PPP1R1C: variants seen among roughly 807,000 people sequenced by gnomAD.
The protein encoded by PPP1R1C is protein phosphatase 1 regulatory subunit 1C.
In PPP1R1C, 15 loss-of-function variants were observed where a neutral mutation model predicts 17.4. That is an observed-to-expected ratio of 0.86 (90% CI 0.58 to 1.33). PPP1R1C has a LOEUF of 1.33. Among genes scored for constraint, PPP1R1C ranks in the 40% most tolerant of loss-of-function variants. The pLI is 0.00. For missense variants in PPP1R1C, 143 were observed against 130.0 expected (o/e 1.10, Z -0.48); for synonymous variants, 35 against 43.1 (o/e 0.81, Z 0.73).
chr2:182,027,412 T>C (rs1424439618), intron 2 of PPP1R1C, among the ~76,000 whole-genome samples: 1 of 126,084 alleles, frequency 7.9e-6, no homozygotes, highest in Non-Finnish European at 1.6e-5. Flanking sequence ...TGAGAGTTTT[T>C]AGCATGAAGG....
chr2:182,110,528 C>T (rs1413119820), intron 4 of PPP1R1C, among the ~76,000 whole-genome samples: 1 of 152,058 alleles, frequency 6.6e-6, no homozygotes, highest in Non-Finnish European at 1.5e-5. Flanking sequence ...TGGCAACAGT[C>T]TGTGGTAGCC....
chr2:181,981,931 C>T (rs957682749), upstream of PPP1R1C, among the ~76,000 whole-genome samples: 19 of 152,140 alleles, frequency 1.2e-4, no homozygotes, highest in Admixed American at 4.6e-4. Flanking sequence ...TATTGTATTT[C>T]CAGCATTTAA....
At chr2:182,059,636 T>C (rs1434976294) in intron 2 of PPP1R1C, among the ~76,000 whole-genome samples, 1 of 152,138 alleles carries the variant, frequency 6.6e-6, no homozygotes, top group Non-Finnish European at 1.5e-5. Context: ...CACTTTTCAA[T>C]TTCAAGACAA....
At chr2:182,008,165 G>A (rs1685986155) in intron 2 of PPP1R1C, among the ~76,000 whole-genome samples, 1 of 152,144 alleles carries the variant, frequency 6.6e-6, no homozygotes, top group Non-Finnish European at 1.5e-5. Context: ...TGAGGTATGA[G>A]TGAATTGTAT....
intron 2 of PPP1R1C, among the ~76,000 whole-genome samples, chr2:182,006,263 G>A (rs956050339): frequency 8.5e-5 from 13 of 152,050 alleles, no homozygotes; most frequent in South Asian, 2.1e-4. Context: ...ATGGAAGTGA[G>A]GCTTTGGTTA....
intron 1 of PPP1R1C, among the ~76,000 whole-genome samples, chr2:181,987,570 C>T (rs950183221): frequency 6.6e-6 from 1 of 152,184 alleles, no homozygotes; most frequent in Non-Finnish European, 1.5e-5. Flanking sequence ...AATTAATTTT[C>T]TGTTGTATCA....
At chr2:182,040,507 TTTTTTTC>T (rs1417289116) in intron 2 of PPP1R1C, among the ~76,000 whole-genome samples, 4 of 152,198 alleles carry the variant, frequency 2.6e-5, no homozygotes, top group Non-Finnish European at 5.9e-5. Flanking sequence ...GATTATTTAT[TTTTTTTC>T]TTGCAGATTT....
chr2:182,117,798 A>G (rs979006259), downstream of PPP1R1C: 1 of 152,200 alleles, frequency 6.6e-6, no homozygotes. Flanking sequence ...ACAGAACACA[A>G]TGTTCATTTT....
chr2:182,126,034 C>T (rs923788549), intron 5 of PPP1R1C, among the ~76,000 whole-genome samples: 1 of 152,026 alleles, frequency 6.6e-6, no homozygotes, highest in Non-Finnish European at 1.5e-5. Flanking sequence ...TTCCCACTTT[C>T]TAATGTGGGC....
At chr2:182,069,815 G>A (rs1369408997) in intron 4 of PPP1R1C, among the ~76,000 whole-genome samples, 1 of 152,154 alleles carries the variant, frequency 6.6e-6, no homozygotes, top group East Asian at 1.9e-4. Flanking sequence ...CAGGGAAAAA[G>A]ATAAACTTTT....
chr2:182,063,860 A>G, intron 4 of PPP1R1C, 69 bp downstream of exon 4: 2 of 1,104,394 alleles, frequency 1.8e-6, no homozygotes, highest in Non-Finnish European at 2.8e-6. Context: ...TCTGTTCTCT[A>G]GGACCACATA....
At chr2:181,955,945 T>C (rs1005683743) in intron 1 of PPP1R1C, among the ~76,000 whole-genome samples, 10 of 152,186 alleles carry the variant, frequency 6.6e-5, no homozygotes, top group African/African-American at 2.2e-4. Flanking sequence ...GTTTGTTACA[T>C]AGGTACACAT....
At chr2:182,031,498 A>G (rs1686836871) in intron 2 of PPP1R1C, among the ~76,000 whole-genome samples, 1 of 152,232 alleles carries the variant, frequency 6.6e-6, no homozygotes. Context: ...TATAGCCTGG[A>G]GAATTTGTAT....
chr2:182,098,578 T>A (rs7558558), intron 4 of PPP1R1C, among the ~76,000 whole-genome samples: 43,924 of 152,046 alleles, frequency 0.29, 7,919 homozygotes, highest in African/African-American at 0.52. Context: ...AATAATCTAC[T>A]TCTTCGACAG....
At chr2:182,118,621 T>C (rs1382383297), downstream of PPP1R1C, among the ~76,000 whole-genome samples, 3 of 151,202 alleles carry the variant, frequency 2.0e-5, no homozygotes, top group African/African-American at 7.3e-5. Flanking sequence ...AATATGAGTT[T>C]TGTAATGTAG....
At chr2:182,103,001 G>C (rs1043746975) in intron 4 of PPP1R1C, among the ~76,000 whole-genome samples, 1 of 151,820 alleles carries the variant, frequency 6.6e-6, no homozygotes, top group Non-Finnish European at 1.5e-5. Context: ...ATGGGGTTTC[G>C]CCATGTTGCC....
At chr2:181,969,768 A>C (rs1165137151) in intron 1 of PPP1R1C, among the ~76,000 whole-genome samples, 1 of 152,126 alleles carries the variant, frequency 6.6e-6, no homozygotes, top group Non-Finnish European at 1.5e-5. Context: ...TATTTTGTAG[A>C]TCTTGTAGGC....
chr2:182,088,865 A>G (rs1688704157), intron 4 of PPP1R1C, among the ~76,000 whole-genome samples: 1 of 152,216 alleles, frequency 6.6e-6, no homozygotes, highest in African/African-American at 2.4e-5. Context: ...ATGAATCACA[A>G]TCATTCCCTG....
chr2:182,109,560 T>C (rs968052110), intron 4 of PPP1R1C, among the ~76,000 whole-genome samples: 4 of 152,190 alleles, frequency 2.6e-5, no homozygotes, highest in Non-Finnish European at 5.9e-5. Flanking sequence ...TTTTTTTGCA[T>C]GTGGATGTCC....
Sources: allele counts gnomAD v4.1 joint callset (sites outside exome capture counted in the v4.1 genomes callset), GRCh38; gene constraint gnomAD v4.1.1; transcripts MANE v1.5; gene names NCBI Gene and HGNC (gene_info 2026-07-23, HGNC 2026-07-21).